Variants in ABCA3 observed in about 807,000 individuals in gnomAD.
The protein encoded by ABCA3 is ATP binding cassette subfamily A member 3, also known as phospholipid-transporting ATPase ABCA3.
In ABCA3, 88 loss-of-function variants were observed where a neutral mutation model predicts 172.8. That is an observed-to-expected ratio of 0.51 (90% CI 0.43 to 0.61). The LOEUF (loss-of-function observed/expected upper bound fraction) is 0.61, where lower values mean the gene tolerates loss of function less well. Among genes scored for constraint, ABCA3 ranks in the 20% least tolerant of loss-of-function variants. The pLI, the probability that ABCA3 is intolerant of heterozygous loss-of-function variation, is 0.00. For missense variants in ABCA3, 2,164 were observed against 2,301.0 expected (o/e 0.94, Z 1.22); for synonymous variants, 1,066 against 983.8 (o/e 1.08, Z -1.56).
intron 11 of ABCA3, among the ~76,000 whole-genome samples, chr16:2,306,929 G>A (rs1461885743): frequency 6.7e-6 from 1 of 149,590 alleles, no homozygotes; most frequent in Non-Finnish European, 1.5e-5. Flanking sequence ...GCAGGAAAAT[G>A]GCATGAACCC....
At position 2,286,129 on chromosome 16, in the gene ABCA3, T is replaced by G. The variant is rs1205246087; in HGVS notation, c.3279-483A>C. The stretch of plus-strand genomic sequence containing the variant: ...CGCCAGGCCTAGGCCTAGCCTGGAA[T>G]GTGGGTGGAGACGACACTGCCCTGA... On this transcript the variant is annotated intron_variant, in intron 22 of 32. Coordinates refer to ENST00000301732, the MANE Select transcript of ABCA3 (RefSeq NM_001089.3). This position sits in a 1 kb window ranked among gnomAD's most constrained non-coding sequence, Gnocchi z 5.2. Among the ~76,000 whole-genome samples, 1 of 152,180 alleles carries G rather than the reference T, an allele frequency of 6.6e-6. No homozygotes were observed. The highest frequency in any genetic ancestry group is 1.9e-4 in the East Asian group (1 of 5,188).
rs2093733604 is a variant in ABCA3 at position 2,325,979 on chromosome 16, GCCTGGCACCGAGAGC to G, written c.319+16_319+30del. 2 of 1,611,318 alleles carry G rather than the reference GCCTGGCACCGAGAGC, an allele frequency of 1.2e-6. No individual in the cohort carries two copies. The highest frequency in any genetic ancestry group is 1.7e-5 in the Admixed American group (1 of 60,008). On this transcript the variant is annotated intron_variant, in intron 5 of 32. Transcript: ENST00000301732. ...CCCAGCCGCGTGGAGGCACCACTAG[GCCTGGCACCGAGAGC>G]CCCGGCATGTCTCACCTCGCATGTT... is the stretch of plus-strand genomic sequence containing the variant.
chr16:2,286,756 A>C lies in ABCA3; in HGVS notation c.3216T>G (p.Ile1072Met), dbSNP rs778645311. 1 of 1,613,910 alleles carries C rather than the reference A, an allele frequency of 6.2e-7. No homozygotes were observed. Among genetic ancestry groups the C allele is most frequent in the Non-Finnish European group, 8.5e-7 (1 of 1,179,966 alleles). The change falls in exon 22 of 33, where the codon ATT becomes ATG. Residue 1072 changes from isoleucine to methionine, a missense_variant. Ile to Met is a conservative substitution (Grantham distance 10). Coordinates refer to ENST00000301732, the MANE Select transcript of ABCA3 (RefSeq NM_001089.3). This position sits in a 1 kb window ranked among gnomAD's most constrained non-coding sequence, Gnocchi z 5.2. ...FKLLCGPHAS[I>M]VVSNFPQPRS... is the part of the protein sequence containing the mutation. ...GGGGCTGGGGGAAGTTGGAGACCACAATGGAGGCGTGAGGCCCGCACAGCA... is the reference window on the plus strand; with the variant it reads ...GGGGCTGGGGGAAGTTGGAGACCACCATGGAGGCGTGAGGCCCGCACAGCA...
chr16:2,293,665 G>A (rs537270112), intron 18 of ABCA3, among the ~76,000 whole-genome samples: 118 of 151,608 alleles, frequency 7.8e-4, no homozygotes, highest in African/African-American at 2.4e-3. Flanking sequence ...AGCCTCCCGA[G>A]TAGCTGGGAC....
At chr16:2,316,841 C>T (rs1199233081) in intron 10 of ABCA3, among the ~76,000 whole-genome samples, 1 of 152,088 alleles carries the variant, frequency 6.6e-6, no homozygotes, top group African/African-American at 2.4e-5. Flanking sequence ...AAAAGAGAAA[C>T]ACAACTTATA....
chr16:2,306,200 C>G (rs531355740), intron 11 of ABCA3, among the ~76,000 whole-genome samples: 4 of 152,132 alleles, frequency 2.6e-5, no homozygotes, highest in South Asian at 2.1e-4. Context: ...GTGGCACGTG[C>G]CTGTAGTCCA....
At chr16:2,295,549 C>G in intron 18 of ABCA3, 41 bp downstream of exon 18, 1 of 1,606,070 alleles carries the variant, frequency 6.2e-7, no homozygotes, top group Non-Finnish European at 8.5e-7. Context: ...GGGATCCCAT[C>G]TTGGATGTAT....
chr16:2,297,687 A>G lies in ABCA3; in HGVS notation c.2052+79T>C. 1 of 1,597,418 alleles carries G rather than the reference A, an allele frequency of 6.3e-7. No individual in the cohort carries two copies. The highest frequency in any genetic ancestry group is 8.5e-7 in the Non-Finnish European group (1 of 1,177,010). The stretch of plus-strand genomic sequence containing the variant: ...GCCTTGTCTGGGGTGTCAAGGGCCA[A>G]GGTGCCCGGGCCATGGCGGAAGGGC... On this transcript the variant is annotated intron_variant, in intron 16 of 32. Transcript: ENST00000301732. This position sits in a 1 kb window ranked among gnomAD's most constrained non-coding sequence, Gnocchi z 5.6.
chr16:2,309,869 C>T (rs748943258), intron 10 of ABCA3, among the ~76,000 whole-genome samples: 7 of 152,272 alleles, frequency 4.6e-5, no homozygotes, highest in Non-Finnish European at 1.0e-4. Context: ...ATCCTCCCGC[C>T]CTGGCCTCCC....
Position 2,324,549 on chromosome 16 carries a change from G to A in ABCA3, c.320-18C>T, listed in dbSNP as rs371065278. 3.2e-5 allele frequency: 51 copies of A among 1,607,406 alleles called. No individual in the cohort carries two copies. The highest frequency in any genetic ancestry group is 6.7e-5 in the East Asian group (3 of 44,884). On this transcript the variant is annotated intron_variant, in intron 5 of 32. Coordinates refer to ENST00000301732, the MANE Select transcript of ABCA3 (RefSeq NM_001089.3). ...GCCGCGCACTGCAAAGAGAGAGCACGGGAGCTGTGGTTGCCCAATCGGCCC... is the reference window on the plus strand; with the variant it reads ...GCCGCGCACTGCAAAGAGAGAGCACAGGAGCTGTGGTTGCCCAATCGGCCC...
rs770302390 is a variant in ABCA3, at chr16:2,299,458, G to A, written c.1686C>T (p.Thr562=). 2.5e-5 allele frequency: 40 copies of A among 1,613,884 alleles called. No individual in the cohort carries two copies. In the South Asian group the frequency reaches 3.4e-4, roughly 14 times the overall value. ...CGGCACCGTTGTGGCCCAGCAGGAC[G>A]GTGATCTGTCCCTCGTACAGGTTGA... The part of the protein sequence containing the change: ...LNLNLYEGQI[T]VLLGHNGAGK... Residue 562 remains threonine, a synonymous_variant, in exon 14 of 33, where the codon ACC becomes ACT. Coordinates refer to ENST00000301732, the MANE Select transcript of ABCA3 (RefSeq NM_001089.3).
chr16:2,294,839 C>A (rs377574747), intron 18 of ABCA3, among the ~76,000 whole-genome samples: 3 of 151,796 alleles, frequency 2.0e-5, no homozygotes, highest in Admixed American at 6.6e-5. Context: ...AAAAATTAGC[C>A]GGGTGTGGTG....
At chr16:2,321,896 G>A (rs2093726605) in intron 7 of ABCA3, among the ~76,000 whole-genome samples, 1 of 152,128 alleles carries the variant, frequency 6.6e-6, no homozygotes, top group African/African-American at 2.4e-5. Context: ...ACTCAAACGG[G>A]AGCTTTTAAA....
At chr16:2,288,876 G>A (rs1047458379) in intron 20 of ABCA3, among the ~76,000 whole-genome samples, 2 of 152,080 alleles carry the variant, frequency 1.3e-5, no homozygotes, top group Non-Finnish European at 2.9e-5. Context: ...CAGGACAGTA[G>A]AGGACCAGCT....
Position 2,323,657 on chromosome 16 carries a change from C to T in ABCA3, c.479G>A (p.Arg160Gln), listed in dbSNP as rs144220858. 3.7e-6 allele frequency: 6 copies of T among 1,614,170 alleles called. No homozygotes were observed. The highest frequency in any genetic ancestry group is 2.7e-5 in the African/African-American group (2 of 75,042). The stretch of plus-strand genomic sequence containing the variant: ...TGTTTGGGTCCACATGTAATTTCTC[C>T]GTGTGTAACTGAACCGTAGGTGATA... Reference protein sequence around the residue: ...VKYHLRFSYTRRNYMWTQTGS... With the variant: ...VKYHLRFSYTQRNYMWTQTGS... The change falls in exon 7 of 33, where the codon CGG becomes CAG. Residue 160 changes from arginine to glutamine, a missense_variant. By Grantham distance (43) the Arg-to-Gln change is conservative. Around this residue, in one of 3 missense-constraint regions of ABCA3, gnomAD observed 1,343 missense variants for 1,369.6 expected, o/e 0.98. Coordinates refer to ENST00000301732, the MANE Select transcript of ABCA3 (RefSeq NM_001089.3).
intron 20 of ABCA3, 118 bp from the exon 21 acceptor site, chr16:2,288,447 T>G: frequency 1.6e-6 from 2 of 1,237,172 alleles, no homozygotes; most frequent in East Asian, 5.1e-5. Flanking sequence ...GCAGCTGAGG[T>G]TGCACCGGAG....
At chr16:2,296,847 T>G (rs1041498178) in intron 17 of ABCA3, among the ~76,000 whole-genome samples, 4 of 152,122 alleles carry the variant, frequency 2.6e-5, no homozygotes, top group African/African-American at 9.7e-5. Flanking sequence ...TCCTATGTCT[T>G]TGCTCCACCC....
At chr16:2,302,200 A>AC (rs1288624675) in intron 12 of ABCA3, among the ~76,000 whole-genome samples, 1 of 151,588 alleles carries the variant, frequency 6.6e-6, no homozygotes, top group East Asian at 1.9e-4. Context: ...AGGCTGTGAG[A>AC]CCCCTGATTT....
chr16:2,332,728 G>A lies in ABCA3; in HGVS notation c.-538-2874C>T, dbSNP rs2093745416. ...CTTCTTGTGTCCAAAGACCCGCACC[G>A]ATTGCCTCCTCCATTTCTTTATTTG... is the stretch of plus-strand genomic sequence containing the variant. On this transcript the variant is annotated intron_variant, in intron 1 of 32. Transcript: ENST00000301732. 9 of 1,205,982 alleles carry A rather than the reference G, an allele frequency of 7.5e-6. No individual in the cohort carries two copies. The East Asian group carries it at 9.4e-5, about 13-fold the overall frequency. 74.7% of individuals were successfully genotyped at this position (1,205,982 alleles called of 1,614,324 possible). A position where few individuals can be genotyped will look rare whatever the true frequency, so the allele number is the denominator to read the frequency against.
Sources: allele counts gnomAD v4.1 joint callset (sites outside exome capture counted in the v4.1 genomes callset), GRCh38; gene constraint gnomAD v4.1.1; regional missense constraint gnomAD v4.1.1; non-coding constraint Gnocchi (gnomAD v3.1); transcripts MANE v1.5; gene names NCBI Gene and HGNC (gene_info 2026-07-23, HGNC 2026-07-21).